The following ZMYM2 variants were observed in gnomAD, a reference collection of about 807,000 sequenced individuals.
ZMYM2 encodes the protein zinc finger MYM-type containing 2.
In ZMYM2, 56 loss-of-function variants were observed where a neutral mutation model predicts 162.8. The ratio of observed to expected loss-of-function variants is 0.34; its 90% CI spans 0.28 to 0.43. The LOEUF (loss-of-function observed/expected upper bound fraction) is 0.43. ZMYM2 is among the 20% of genes least tolerant of loss of function. The pLI is 1.00. For missense variants in ZMYM2, 1,275 were observed against 1,621.8 expected (o/e 0.79, Z 3.67); for synonymous variants, 510 against 541.6 (o/e 0.94, Z 0.81).
chr13:19,898,272 G>A, the ZMYM2 span, among the ~76,000 whole-genome samples: 1 of 148,744 alleles, frequency 6.7e-6, no homozygotes, highest in South Asian at 2.1e-4. Flanking sequence ...TCACTGTGTC[G>A]CCCAGGCTGG....
At chr13:20,031,753 C>G (rs1022536240) in intron 10 of ZMYM2, among the ~76,000 whole-genome samples, 1 of 151,804 alleles carries the variant, frequency 6.6e-6, no homozygotes, top group Admixed American at 6.6e-5. Flanking sequence ...ATGTTTCTCC[C>G]TGTCCTGTAT....
At chr13:19,960,073 G>T (rs1182553187) in intron 2 of ZMYM2, 47 bp downstream of exon 2, 1 of 152,296 alleles carries the variant, frequency 6.6e-6, no homozygotes, top group African/African-American at 2.4e-5. Flanking sequence ...ACATTGTCAG[G>T]TTGTAGGGGT....
At chr13:19,990,699 C>A (rs1302680596) in intron 2 of ZMYM2, among the ~76,000 whole-genome samples, 1 of 152,178 alleles carries the variant, frequency 6.6e-6, no homozygotes, top group Non-Finnish European at 1.5e-5. Context: ...ATATTAGTCT[C>A]TTTTTTATCC....
At chr13:19,883,977 A>C in the ZMYM2 span, among the ~76,000 whole-genome samples, 2 of 151,966 alleles carry the variant, frequency 1.3e-5, no homozygotes, top group Non-Finnish European at 2.9e-5. Flanking sequence ...GAATGGTCTC[A>C]AACTCTTCAC....
the ZMYM2 span, among the ~76,000 whole-genome samples, chr13:19,894,611 T>C: frequency 2.0e-4 from 31 of 152,064 alleles, no homozygotes; most frequent in Admixed American, 7.2e-4. Context: ...TCCCAAATCG[T>C]TGGACAGGCG....
At chr13:19,930,296 G>A in the ZMYM2 span, among the ~76,000 whole-genome samples, 17 of 152,090 alleles carry the variant, frequency 1.1e-4, no homozygotes, top group East Asian at 3.3e-3. Context: ...GGCTACTCAG[G>A]AGGCTGAGGC....
chr13:20,013,032 A>G (rs1951328081), intron 6 of ZMYM2, among the ~76,000 whole-genome samples: 1 of 152,230 alleles, frequency 6.6e-6, no homozygotes, highest in South Asian at 2.1e-4. Context: ...TTGAATCTGT[A>G]GATTGCTTTG....
chr13:19,926,110 G>A, the ZMYM2 span, among the ~76,000 whole-genome samples: 1,340 of 151,126 alleles, frequency 8.9e-3, 11 homozygotes, highest in Non-Finnish European at 0.015. Context: ...ACAGGTGCCC[G>A]TCACCAAGCC....
chr13:19,988,280 G>C (rs1030051839), intron 2 of ZMYM2, among the ~76,000 whole-genome samples: 2 of 152,138 alleles, frequency 1.3e-5, no homozygotes, highest in Non-Finnish European at 2.9e-5. Context: ...ACTAGAACTT[G>C]GTTTATGGTC....
chr13:20,026,829 A>C, intron 8 of ZMYM2, 67 bp downstream of exon 8: 16 of 1,457,798 alleles, frequency 1.1e-5, no homozygotes, highest in Non-Finnish European at 1.3e-5. Context: ...ATAAATACTC[A>C]TTTGATGTTT....
At chr13:19,977,829 A>T (rs1284326465) in intron 2 of ZMYM2, among the ~76,000 whole-genome samples, 3 of 146,986 alleles carry the variant, frequency 2.0e-5, no homozygotes, top group South Asian at 2.2e-4. Context: ...TTTATGTTAA[A>T]TTTTTCTCTA....
At position 20,064,986 on chromosome 13, in the gene ZMYM2, G is replaced by GA. The variant is rs566408938; in HGVS notation, c.3132+442dup. On this transcript the variant is annotated intron_variant, in intron 19 of 24. Transcript: ENST00000610343. ...TTTCCACGATTATTTCTGATGAGAT[G>GA]ATCAGTGGGGTTGAAGTACACAGTT... is the stretch of plus-strand genomic sequence containing the variant. Among the ~76,000 whole-genome samples the GA allele has an allele frequency of 3.3e-5, 5 of 152,212 alleles. No individual in the cohort carries two copies. The East Asian group carries it at 9.6e-4, about 29-fold the overall frequency.
intron 2 of ZMYM2, among the ~76,000 whole-genome samples, chr13:19,975,754 A>T (rs1956723720): frequency 6.6e-6 from 1 of 152,220 alleles, no homozygotes; most frequent in South Asian, 2.1e-4. Flanking sequence ...ACTGTTTTCC[A>T]CAGTGTGGTA....
intron 14 of ZMYM2, among the ~76,000 whole-genome samples, 168 bp from the exon 15 acceptor site, chr13:20,058,407 G>GA (rs1955972621): frequency 6.6e-6 from 1 of 152,120 alleles, no homozygotes; most frequent in Non-Finnish European, 1.5e-5. Context: ...GATTCATATT[G>GA]ATCCTTATAG....
the ZMYM2 span, among the ~76,000 whole-genome samples, chr13:19,868,351 T>A: frequency 6.6e-6 from 1 of 152,230 alleles, no homozygotes; most frequent in Non-Finnish European, 1.5e-5. Flanking sequence ...AGTCATAGTG[T>A]TTCAACTTCG....
the ZMYM2 span, among the ~76,000 whole-genome samples, chr13:19,906,089 A>C: frequency 1.5e-3 from 232 of 151,882 alleles, no homozygotes; most frequent in African/African-American, 5.2e-3. Flanking sequence ...CAGCCTGACT[A>C]ACATGGTGAA....
In ZMYM2 at chr13:20,021,217, C is replaced by T. The variant is rs549446084; in HGVS notation, c.1584+1599C>T. 5.9e-5 allele frequency among the ~76,000 whole-genome samples: 9 copies of T among 152,108 alleles called. No homozygotes were observed. The East Asian group carries it at 7.7e-4, about 13-fold the overall frequency. ...GTCTCGATCTCCTGACCTCATGATC[C>T]GCCTGCCTCGGCCTCCCAAAGTGCT... On this transcript the variant is annotated intron_variant, in intron 7 of 24. Transcript: ENST00000610343.
At position 19,993,454 on chromosome 13, in the gene ZMYM2, A is replaced by T; in HGVS notation, c.382A>T (p.Asn128Tyr). The part of the protein sequence containing the change: ...VIDDEEDMET[N>Y]QGQEKNSSNF... Reference sequence around the variant, plus strand: ...TGATGATGAAGAGGACATGGAAACAAATCAAGGGCAAGAGAAAAATTCCTC... The same window carrying T: ...TGATGATGAAGAGGACATGGAAACATATCAAGGGCAAGAGAAAAATTCCTC... The change falls in exon 3 of 25, where the codon AAT (asparagine) becomes TAT (tyrosine). Residue 128 changes from asparagine to tyrosine, a missense_variant. Asn to Tyr is a moderately radical substitution (Grantham distance 143, BLOSUM62 -2). This residue lies in a region of ZMYM2 where 295 missense variants were observed against 286.7 expected (regional missense o/e 1.03). Coordinates refer to ENST00000610343, the MANE Select transcript of ZMYM2 (RefSeq NM_197968.4). The T allele has an allele frequency of 1.2e-6, 2 of 1,614,042 alleles. No individual in the cohort carries two copies.
chr13:20,048,307 T>C (rs1955004796), intron 12 of ZMYM2, among the ~76,000 whole-genome samples: 1 of 151,890 alleles, frequency 6.6e-6, no homozygotes, highest in Non-Finnish European at 1.5e-5. Flanking sequence ...AAAATTTTTT[T>C]GAAATTATTT....
Sources: allele counts gnomAD v4.1 joint callset (sites outside exome capture counted in the v4.1 genomes callset), GRCh38; gene constraint gnomAD v4.1.1; regional missense constraint gnomAD v4.1.1; transcripts MANE v1.5; gene names NCBI Gene and HGNC (gene_info 2026-07-23, HGNC 2026-07-21).